PFKP: variants seen among roughly 807,000 people sequenced by gnomAD.
PFKP encodes phosphofructokinase, platelet.
PFKP carries 101 observed loss-of-function variants against 94.3 expected under a neutral mutation model. That is an observed-to-expected ratio of 1.07 (90% CI 0.91 to 1.26). The LOEUF is 1.26. PFKP is among the 50% of genes most tolerant of loss of function. The pLI, the probability that PFKP is intolerant of heterozygous loss-of-function variation, is 0.00. For synonymous variants in PFKP, 573 were observed against 432.6 expected, an observed-to-expected ratio of 1.32 and a Z score of -4.03; for missense variants, 1,145 against 1,103.3, an observed-to-expected ratio of 1.04 and a Z score of -0.53.
At chr10:3,111,038 ATGTT>A (rs1275764222) in intron 10 of PFKP, among the ~76,000 whole-genome samples, 1 of 150,440 alleles carries the variant, frequency 6.6e-6, no homozygotes. Context: ...GTGTGCATGT[ATGTT>A]TATATGCATG....
At chr10:3,114,166 T>C (rs1489789891) in intron 13 of PFKP, among the ~76,000 whole-genome samples, 2 of 151,580 alleles carry the variant, frequency 1.3e-5, no homozygotes, top group African/African-American at 4.8e-5. Context: ...TTTTTTTTTT[T>C]TGAGACGAAG....
chr10:3,126,388 C>T (rs1427804389), intron 16 of PFKP, among the ~76,000 whole-genome samples: 1 of 152,214 alleles, frequency 6.6e-6, no homozygotes, highest in Non-Finnish European at 1.5e-5. Flanking sequence ...CGCACTTGAC[C>T]CCTGTTGGGT....
At chr10:3,086,041 A>G (rs960103999) in intron 2 of PFKP, among the ~76,000 whole-genome samples, 1 of 152,002 alleles carries the variant, frequency 6.6e-6, no homozygotes, top group Non-Finnish European at 1.5e-5. Context: ...ACAGTACCAC[A>G]CCCGTCCTGA....
In PFKP at chr10:3,118,827, C is replaced by T. The variant is rs762668373; in HGVS notation, c.1488C>T (p.Arg496=). The change falls in exon 15 of 22, where the codon CGC becomes CGT. Residue 496 remains arginine, a synonymous_variant. Coordinates refer to ENST00000381125, the MANE Select transcript of PFKP (RefSeq NM_002627.5). ...KYLEEIATQM[R]THSINALLII... ...TGGAAGAGATCGCCACACAGATGCG[C>T]ACGCACAGCATCAACGCGCTGCTGA... 11 of 1,613,812 alleles carry T rather than the reference C, an allele frequency of 6.8e-6. No homozygotes were observed. The South Asian group carries it at 7.7e-5, about 11-fold the overall frequency.
chr10:3,090,156 T>G (rs1421030592), intron 2 of PFKP, among the ~76,000 whole-genome samples: 1 of 152,174 alleles, frequency 6.6e-6, no homozygotes, highest in Non-Finnish European at 1.5e-5. Context: ...GGTGCGTGGA[T>G]AAAATGTGGC....
intron 16 of PFKP, among the ~76,000 whole-genome samples, chr10:3,122,633 G>A (rs1837542854): frequency 6.6e-6 from 1 of 152,252 alleles, no homozygotes; most frequent in Non-Finnish European, 1.5e-5. Flanking sequence ...GCCGGAGGCT[G>A]AGGACGCATG....
chr10:3,121,793 C>CTTTTTCTT (rs1564339013), intron 16 of PFKP, among the ~76,000 whole-genome samples: 1 of 96,878 alleles, frequency 1.0e-5, no homozygotes, highest in Non-Finnish European at 2.0e-5. Context: ...TAAACAATTT[C>CTTTTTCTT]TTTTTTTTTC....
At chr10:3,116,746 T>C (rs373301840) in intron 13 of PFKP, 30 bp from the exon 14 acceptor site, 8 of 1,565,694 alleles carry the variant, frequency 5.1e-6, no homozygotes, top group Non-Finnish European at 7.0e-6. Context: ...TTGTTCACTT[T>C]AGCTGTTTCG....
rs553426260 is a variant in PFKP, at chr10:3,120,071, G to A, written c.1683+27G>A. 8.1e-5 allele frequency: 131 copies of A among 1,611,842 alleles called. No individual in the cohort carries two copies. The Admixed American group carries it at 1.5e-3, about 18-fold the overall frequency. Reference sequence around the variant, plus strand: ...TAAGTCCGTGTGCGCCCTGCCAGGCGGGCGCCGGCTGACGCTAACCCCGGG... The same window carrying A: ...TAAGTCCGTGTGCGCCCTGCCAGGCAGGCGCCGGCTGACGCTAACCCCGGG... On this transcript the variant is annotated intron_variant, in intron 16 of 21. Coordinates refer to ENST00000381125, the MANE Select transcript of PFKP (RefSeq NM_002627.5).
intron 13 of PFKP, among the ~76,000 whole-genome samples, chr10:3,115,712 T>A (rs1030631375): frequency 6.6e-6 from 1 of 152,156 alleles, no homozygotes; most frequent in Non-Finnish European, 1.5e-5. Flanking sequence ...TAGTTAAAGA[T>A]GCAGAACTCA....
chr10:3,116,923 G>T, intron 14 of PFKP, 77 bp downstream of exon 14: 1 of 1,138,702 alleles, frequency 8.8e-7, no homozygotes, highest in Admixed American at 1.7e-5. Flanking sequence ...GAATCGCTGG[G>T]TGCCGACGCC....
chr10:3,084,005 AC>A (rs1489851865), intron 2 of PFKP, among the ~76,000 whole-genome samples: 1 of 151,892 alleles, frequency 6.6e-6, no homozygotes, highest in Non-Finnish European at 1.5e-5. Flanking sequence ...TTTATGATGG[AC>A]CCTGTATTCC....
intron 10 of PFKP, among the ~76,000 whole-genome samples, chr10:3,109,886 C>G (rs1478926062): frequency 6.6e-6 from 1 of 150,896 alleles, no homozygotes; most frequent in African/African-American, 2.4e-5. Context: ...GAGAGAGACC[C>G]ATGGGGCAGA....
At position 3,136,487 on chromosome 10, in the gene PFKP, C is replaced by CG; in HGVS notation, c.2265dup (p.Pro756AlafsTer14). On this transcript the variant is annotated frameshift_variant, in exon 22 of 22. Transcript: ENST00000381125. LOFTEE classifies it low-confidence loss of function (END_TRUNC). ...CAAAGAACAGTGGTGGCTCAAGCTA[C>CG]GGCCCCTCATGAAAATCCTGGCCAA... The CG allele has an allele frequency of 6.2e-7, 1 of 1,613,530 alleles. No individual in the cohort carries two copies. The highest frequency in any genetic ancestry group is 8.5e-7 in the Non-Finnish European group (1 of 1,179,666).
In PFKP at chr10:3,082,471, T is replaced by A. The variant is rs1833159986; in HGVS notation, c.186+10T>A. On this transcript the variant is annotated intron_variant, in intron 2 of 21. Transcript: ENST00000381125. ...GTACTTCATCTACGAGGTCAGTGTC[T>A]GCCCCTCACCCCCTGTCGCCCTTCT... is the stretch of plus-strand genomic sequence containing the variant. 6.3e-7 allele frequency: 1 copy of A among 1,596,260 alleles called. No homozygotes were observed. Among genetic ancestry groups the A allele is most frequent in the African/African-American group, 1.3e-5 (1 of 74,360 alleles).
At chr10:3,091,804 T>C (rs1269335223) in intron 2 of PFKP, among the ~76,000 whole-genome samples, 1 of 152,064 alleles carries the variant, frequency 6.6e-6, no homozygotes, top group South Asian at 2.1e-4. Context: ...AAGAAAAAAG[T>C]CTTTTATCTT....
At chr10:3,097,032 C>G (rs1303639080) in intron 2 of PFKP, among the ~76,000 whole-genome samples, 3 of 116,828 alleles carry the variant, frequency 2.6e-5, no homozygotes, top group Admixed American at 2.4e-4. Flanking sequence ...GAGCCAAGAT[C>G]ACGCCACTGC....
intron 2 of PFKP, among the ~76,000 whole-genome samples, chr10:3,096,384 A>G (rs1490492510): frequency 6.6e-6 from 1 of 152,162 alleles, no homozygotes; most frequent in Non-Finnish European, 1.5e-5. Context: ...TTATTTACCA[A>G]AAAACTGCAT....
chr10:3,104,032 C>T (rs1299652025), intron 5 of PFKP, 88 bp downstream of exon 5: 3 of 1,238,936 alleles, frequency 2.4e-6, no homozygotes, highest in Middle Eastern at 1.9e-4. Flanking sequence ...GAACATTCTG[C>T]AGATTGGGTG....
Sources: gnomAD v4.1 joint callset for allele counts (sites outside exome capture counted in the v4.1 genomes callset) on GRCh38, gnomAD v4.1.1 for gene constraint, MANE v1.5 for transcripts, NCBI Gene and HGNC (gene_info 2026-07-23, HGNC 2026-07-21) for gene names.